RHOA: variants seen among roughly 807,000 people sequenced by gnomAD.
RHOA encodes ras homolog family member A, also known as transforming protein RhoA.
RHOA carries 3 observed loss-of-function variants against 17.5 expected under a neutral mutation model. The observed-to-expected ratio is 0.17, with a 90% CI of 0.08 to 0.44. The LOEUF (loss-of-function observed/expected upper bound fraction) is 0.44. Among genes scored for constraint, RHOA ranks in the 20% least tolerant of loss-of-function variants. The pLI, the probability that RHOA is intolerant of heterozygous loss-of-function variation, is 0.99. For missense variants in RHOA, 56 were observed against 242.3 expected (o/e 0.23, Z 5.10); for synonymous variants, 98 against 88.4 (o/e 1.11, Z -0.61).
intron 1 of RHOA, among the ~76,000 whole-genome samples, chr3:49,393,641 T>C (rs2048551810): frequency 1.2e-5 from 1 of 83,316 alleles, no homozygotes; most frequent in African/African-American, 4.6e-5. Context: ...TCAAGAACAG[T>C]TAGGACCACA....
At chr3:49,386,266 C>T (rs943553585) in intron 1 of RHOA, among the ~76,000 whole-genome samples, 1 of 152,058 alleles carries the variant, frequency 6.6e-6, no homozygotes, top group Non-Finnish European at 1.5e-5. Flanking sequence ...TCTTTCCTCC[C>T]TTCCGTTTTC....
chr3:49,380,117 A>G (rs2048293575), intron 1 of RHOA, among the ~76,000 whole-genome samples: 1 of 152,184 alleles, frequency 6.6e-6, no homozygotes, highest in Non-Finnish European at 1.5e-5. Context: ...ACTTCCAGAA[A>G]GTCTTTCTTA....
intron 2 of RHOA, among the ~76,000 whole-genome samples, chr3:49,370,639 T>C (rs2048134098): frequency 6.6e-6 from 1 of 152,164 alleles, no homozygotes; most frequent in Non-Finnish European, 1.5e-5. Flanking sequence ...AGAGTACTCC[T>C]TTCACATCCG....
intron 2 of RHOA, among the ~76,000 whole-genome samples, chr3:49,375,113 G>A (rs2048205457): frequency 6.6e-6 from 1 of 152,002 alleles, no homozygotes; most frequent in Non-Finnish European, 1.5e-5. Flanking sequence ...CGAAAAATGA[G>A]CTCAGCATGG....
At chr3:49,377,480 T>C (rs984177235) in intron 1 of RHOA, among the ~76,000 whole-genome samples, 5 of 151,550 alleles carry the variant, frequency 3.3e-5, no homozygotes, top group Admixed American at 2.6e-4. Context: ...CTAATCACAG[T>C]TACTTGGGAG....
At position 49,360,086 on chromosome 3, in the gene RHOA, T is replaced by A. The variant is rs1024036334; in HGVS notation, c.*123A>T. On this transcript the variant is annotated 3_prime_UTR_variant, in exon 5 of 5. Transcript: ENST00000418115. ...TGGCTTCTAAATACTGGTAGCAAGA[T>A]GACTTCTGATTTGTAATCTTAGGTA... The A allele has an allele frequency of 1.5e-5, 17 of 1,120,090 alleles. No individual in the cohort carries two copies. Among genetic ancestry groups the A allele is most frequent in the Admixed American group, 2.6e-5 (1 of 38,708 alleles). The allele number at this position is 1,120,090 out of a possible 1,614,324, so 69.4% of individuals were successfully genotyped here. A position where few individuals can be genotyped will look rare whatever the true frequency, so the allele number is the denominator to read the frequency against.
rs564420412 is a variant in RHOA at position 49,387,290 on chromosome 3, A to C, written c.-2-11699T>G. On this transcript the variant is annotated intron_variant, in intron 1 of 4. Transcript: ENST00000418115. ...AAACCCCATCTCTACTAAAAATACA[A>C]AAAATTAGCCAGGCATGGTGGCACG... Among the ~76,000 whole-genome samples, 10 of 150,392 alleles carry C rather than the reference A, an allele frequency of 6.6e-5. No individual in the cohort carries two copies. The East Asian group carries it at 2.0e-3, about 30-fold the overall frequency.
At chr3:49,388,822 T>A (rs2048445967) in intron 1 of RHOA, among the ~76,000 whole-genome samples, 1 of 152,120 alleles carries the variant, frequency 6.6e-6, no homozygotes, top group African/African-American at 2.4e-5. Context: ...AGCTTTTAAT[T>A]AACAAAACAA....
At chr3:49,369,032 T>G (rs1414210031) in intron 2 of RHOA, among the ~76,000 whole-genome samples, 1 of 91,108 alleles carries the variant, frequency 1.1e-5, no homozygotes, top group African/African-American at 4.2e-5. Context: ...TTTTTTTTTT[T>G]TTTTTTTGTT....
At chr3:49,393,670 C>CTGTGTG (rs2048553811) in intron 1 of RHOA, among the ~76,000 whole-genome samples, 13 of 97,244 alleles carry the variant, frequency 1.3e-4, no homozygotes, top group South Asian at 3.1e-4. Flanking sequence ...GTCTCAAATT[C>CTGTGTG]TCTCTCTGTG....
intron 1 of RHOA, among the ~76,000 whole-genome samples, chr3:49,396,491 G>A (rs978067811): frequency 2.0e-5 from 3 of 152,092 alleles, no homozygotes; most frequent in African/African-American, 4.8e-5. Flanking sequence ...GGCGGATCAC[G>A]AGGTCAGCAG....
At chr3:49,396,544 TA>T in intron 1 of RHOA, among the ~76,000 whole-genome samples, 1 of 152,028 alleles carries the variant, frequency 6.6e-6, no homozygotes, top group South Asian at 2.1e-4. Flanking sequence ...TTACCTCTAC[TA>T]AAAATACAAA....
At chr3:49,405,375 G>A (rs572835173) in intron 1 of RHOA, among the ~76,000 whole-genome samples, 2 of 152,094 alleles carry the variant, frequency 1.3e-5, no homozygotes, top group East Asian at 1.9e-4. Flanking sequence ...AGGTTGCAGT[G>A]AGCTGGGATC....
rs1411860005 is a variant in RHOA at position 49,384,724 on chromosome 3, T to G, written c.-2-9133A>C. 3.3e-5 allele frequency among the ~76,000 whole-genome samples: 5 copies of G among 152,118 alleles called. No homozygotes were observed. The East Asian group carries it at 9.7e-4, about 29-fold the overall frequency. ...AGTTTCACCATGTTGCCCAGGATGG[T>G]CTTAAACTCCTGGGCTCAAGTGATG... On this transcript the variant is annotated intron_variant, in intron 1 of 4. Coordinates refer to ENST00000418115, the MANE Select transcript of RHOA (RefSeq NM_001664.4).
Position 49,411,927 on chromosome 3 carries a change from G to T in RHOA, c.-110C>A, listed in dbSNP as rs2048946292. 1 of 153,684 alleles carries T rather than the reference G, an allele frequency of 6.5e-6. No individual in the cohort carries two copies. The highest frequency in any genetic ancestry group is 1.9e-4 in the South Asian group (1 of 5,130). The allele number at this position is 153,684 out of a possible 1,614,324, so 9.5% of individuals were successfully genotyped here. On this transcript the variant is annotated 5_prime_UTR_variant, in exon 1 of 5. Coordinates refer to ENST00000418115, the MANE Select transcript of RHOA (RefSeq NM_001664.4). Reference sequence around the variant, plus strand: ...GCTGAAGACCAGACCGTGGACTAACGAGAGAACCGACGGAGGACCGCGGGC... The same window carrying T: ...GCTGAAGACCAGACCGTGGACTAACTAGAGAACCGACGGAGGACCGCGGGC...
chr3:49,394,420 G>A (rs11716974), intron 1 of RHOA, among the ~76,000 whole-genome samples: 42,674 of 151,892 alleles, frequency 0.28, 6,550 homozygotes, highest in Middle Eastern at 0.32. Flanking sequence ...GCATGATCTT[G>A]GCTCAATGCA....
At chr3:49,385,628 T>C (rs188609760) in intron 1 of RHOA, among the ~76,000 whole-genome samples, 1 of 152,300 alleles carries the variant, frequency 6.6e-6, no homozygotes, top group Non-Finnish European at 1.5e-5. Flanking sequence ...TCCCTTTGGT[T>C]ACTGATGGTT....
chr3:49,385,701 TTC>T (rs2048385945), intron 1 of RHOA, among the ~76,000 whole-genome samples: 1 of 141,702 alleles, frequency 7.1e-6, no homozygotes, highest in Non-Finnish European at 1.6e-5. Flanking sequence ...ATATGCTTCT[TTC>T]TATAGTTTTA....
chr3:49,376,180 T>C (rs1371160296), intron 1 of RHOA, among the ~76,000 whole-genome samples: 2 of 152,052 alleles, frequency 1.3e-5, no homozygotes, highest in Non-Finnish European at 2.9e-5. Context: ...CTGGAGGTCC[T>C]AGCCAGGGCA....
Sources: allele counts gnomAD v4.1 joint callset (sites outside exome capture counted in the v4.1 genomes callset), GRCh38; gene constraint gnomAD v4.1.1; transcripts MANE v1.5; gene names NCBI Gene and HGNC (gene_info 2026-07-23, HGNC 2026-07-21).